The following AK3 variants were observed in gnomAD, a reference collection of about 807,000 sequenced individuals.
AK3 encodes adenylate kinase 3.
AK3 carries 27 observed loss-of-function variants against 23.7 expected under a neutral mutation model. The ratio of observed to expected loss-of-function variants is 1.14; its 90% CI spans 0.84 to 1.57. The LOEUF is 1.57. Among genes scored for constraint, AK3 ranks in the 40% most tolerant of loss-of-function variants. The pLI is 0.00. For missense variants in AK3, 406 were observed against 285.6 expected (o/e 1.42, Z -3.04); for synonymous variants, 159 against 116.0 (o/e 1.37, Z -2.38).
intron 2 of AK3, among the ~76,000 whole-genome samples, chr9:4,721,621 G>A (rs565980498): frequency 3.3e-4 from 50 of 152,062 alleles, no homozygotes; most frequent in African/African-American, 1.2e-3. Context: ...ATCACGCCCG[G>A]CTAATTTTTG....
chr9:4,712,272 A>T lies in AK3; in HGVS notation c.*704T>A, dbSNP rs1366939367. ...GCACTTATGTCAATTTTTGACACAA[A>T]TCATAACCCTCAGTACACAGGTATT... is the stretch of plus-strand genomic sequence containing the variant. On this transcript the variant is annotated 3_prime_UTR_variant, in exon 5 of 5. Transcript: ENST00000381809. 2 of 152,324 alleles carry T rather than the reference A, an allele frequency of 1.3e-5. No individual in the cohort carries two copies. Among genetic ancestry groups the T allele is most frequent in the South Asian group, 2.1e-4 (1 of 4,826 alleles). 9.4% of individuals were successfully genotyped at this position (152,324 alleles called of 1,614,324 possible). A position where few individuals can be genotyped will look rare whatever the true frequency, so the allele number is the denominator to read the frequency against.
intron 2 of AK3, among the ~76,000 whole-genome samples, chr9:4,721,406 TA>T (rs770712533): frequency 1.7e-3 from 196 of 117,106 alleles, no homozygotes; most frequent in Middle Eastern, 8.5e-3. Flanking sequence ...CTGTCTCCAT[TA>T]AAAAAAAAAA....
Position 4,711,310 on chromosome 9 carries a change from AATAT to A in AK3, c.*1662_*1665del, listed in dbSNP as rs1310945978. 1 of 152,694 alleles carries A rather than the reference AATAT, an allele frequency of 6.5e-6. No individual in the cohort carries two copies. Among genetic ancestry groups the A allele is most frequent in the African/African-American group, 2.4e-5 (1 of 41,474 alleles). The allele number at this position is 152,694 out of a possible 1,614,324, so 9.5% of individuals were successfully genotyped here. On this transcript the variant is annotated 3_prime_UTR_variant, in exon 5 of 5. Transcript: ENST00000381809. The stretch of plus-strand genomic sequence containing the variant: ...ATTTCATTTTATTCTGATAAAGACT[AATAT>A]ATGCTTGATAACCTAGTGATAATCC...
chr9:4,733,469 C>A (rs1320194826), intron 1 of AK3, among the ~76,000 whole-genome samples: 1 of 152,172 alleles, frequency 6.6e-6, no homozygotes, highest in East Asian at 1.9e-4. Flanking sequence ...ATGGGTAAAT[C>A]ATGTTCATTT....
Position 4,741,188 on chromosome 9 carries a change from T to A in AK3, c.-101A>T. 8.1e-7 allele frequency: 1 copy of A among 1,241,518 alleles called. No homozygotes were observed. Among genetic ancestry groups the A allele is most frequent in the Non-Finnish European group, 1.0e-6 (1 of 965,792 alleles). 76.9% of individuals were successfully genotyped at this position (1,241,518 alleles called of 1,614,324 possible). A position where few individuals can be genotyped will look rare whatever the true frequency, so the allele number is the denominator to read the frequency against. On this transcript the variant is annotated 5_prime_UTR_variant, in exon 1 of 5. Transcript: ENST00000381809. ...TGCGCCGGCCGGCTAGCAGCGCCAC[T>A]AGCAGGCGGCTACTGCGGTTCCCCG...
At chr9:4,722,664 G>C (rs916976792) in intron 1 of AK3, 39 bp from the exon 2 acceptor site, 1 of 1,613,410 alleles carries the variant, frequency 6.2e-7, no homozygotes, top group Non-Finnish European at 8.5e-7. Flanking sequence ...AAGTGCATTT[G>C]TTTTATCCCA....
chr9:4,719,291 A>C lies in AK3; in HGVS notation c.288T>G (p.Leu96=). The part of the protein sequence containing the change: ...SWLLDGFPRT[L]PQAEALDRAY... ...CTCTATCTAGGGCTTCTGCCTGTGG[A>C]AGTGTCCTTGGAAAACCTTTATAAA... The change falls in exon 3 of 5, where the codon CTT becomes CTG. Residue 96 remains leucine, a synonymous_variant. Transcript: ENST00000381809. The C allele has an allele frequency of 7.2e-7, 1 of 1,393,008 alleles. No homozygotes were observed. The allele number at this position is 1,393,008 out of a possible 1,614,324, so 86.3% of individuals were successfully genotyped here. A position where few individuals can be genotyped will look rare whatever the true frequency, so the allele number is the denominator to read the frequency against.
rs545855632 is a variant in AK3 at position 4,712,673 on chromosome 9, C to T, written c.*303G>A. ...CTTTATCAACCACTTATTAACTGAA[C>T]AAAAAGTTAGATTACTACCAAATGC... On this transcript the variant is annotated 3_prime_UTR_variant, in exon 5 of 5. Coordinates refer to ENST00000381809, the MANE Select transcript of AK3 (RefSeq NM_016282.4). 1 of 180,598 alleles carries T rather than the reference C, an allele frequency of 5.5e-6. No individual in the cohort carries two copies. The highest frequency in any genetic ancestry group is 6.0e-5 in the Admixed American group (1 of 16,552). The allele number at this position is 180,598 out of a possible 1,614,324, so 11.2% of individuals were successfully genotyped here. A position where few individuals can be genotyped will look rare whatever the true frequency, so the allele number is the denominator to read the frequency against.
At chr9:4,741,471 C>A (rs1386685213), upstream of AK3, among the ~76,000 whole-genome samples, 3 of 152,074 alleles carry the variant, frequency 2.0e-5, no homozygotes, top group Non-Finnish European at 4.4e-5. Context: ...CACCCACCCC[C>A]ACGCGCCCTC....
At chr9:4,715,419 G>A (rs1841700551) in intron 4 of AK3, among the ~76,000 whole-genome samples, 2 of 143,834 alleles carry the variant, frequency 1.4e-5, no homozygotes, top group East Asian at 2.1e-4. Flanking sequence ...TTAAGACAGG[G>A]TCTCACTCTG....
At chr9:4,718,739 C>T (rs987878719) in intron 3 of AK3, among the ~76,000 whole-genome samples, 4 of 151,612 alleles carry the variant, frequency 2.6e-5, no homozygotes, top group African/African-American at 7.3e-5. Flanking sequence ...CTACAGTTAT[C>T]AGTCACTTTA....
chr9:4,728,178 G>A (rs967502971), intron 1 of AK3, among the ~76,000 whole-genome samples: 5 of 152,086 alleles, frequency 3.3e-5, no homozygotes, highest in Admixed American at 3.3e-4. Context: ...GGGAAAATGG[G>A]GCCAATAGCC....
chr9:4,727,361 C>T (rs1202827437), intron 1 of AK3, among the ~76,000 whole-genome samples: 1 of 152,182 alleles, frequency 6.6e-6, no homozygotes, highest in South Asian at 2.1e-4. Context: ...AGTGTAGACA[C>T]CTTCATCAAT....
chr9:4,731,494 T>C (rs1842151671), intron 1 of AK3, among the ~76,000 whole-genome samples: 1 of 151,846 alleles, frequency 6.6e-6, no homozygotes, highest in African/African-American at 2.4e-5. Flanking sequence ...GTCTATATCA[T>C]GAACTTTCTA....
intron 1 of AK3, among the ~76,000 whole-genome samples, chr9:4,727,172 A>G (rs1300833715): frequency 3.3e-5 from 5 of 152,186 alleles, no homozygotes; most frequent in Admixed American, 2.0e-4. Flanking sequence ...GATTTTTGGA[A>G]TGGTAAATGA....
intron 1 of AK3, among the ~76,000 whole-genome samples, chr9:4,740,449 G>T (rs1842401339): frequency 6.6e-6 from 1 of 152,066 alleles, no homozygotes; most frequent in African/African-American, 2.4e-5. Flanking sequence ...TTGGGAATAT[G>T]GGGGAAAGGT....
intron 1 of AK3, among the ~76,000 whole-genome samples, chr9:4,728,745 C>T (rs938867088): frequency 6.6e-6 from 1 of 150,444 alleles, no homozygotes; most frequent in African/African-American, 2.5e-5. Context: ...CCTGCAATCC[C>T]AGCACTTTGG....
intron 2 of AK3, among the ~76,000 whole-genome samples, chr9:4,720,127 G>GC (rs1437535751): frequency 6.6e-6 from 1 of 152,060 alleles, no homozygotes; most frequent in African/African-American, 2.4e-5. Context: ...CTAAAGTCCA[G>GC]CTAAAGGAAA....
intron 2 of AK3, among the ~76,000 whole-genome samples, chr9:4,722,164 C>T (rs965788628): frequency 2.6e-5 from 4 of 152,180 alleles, no homozygotes; most frequent in South Asian, 4.1e-4. Context: ...CTCAAGGATT[C>T]GGCCATACTC....
Sources: allele counts gnomAD v4.1 joint callset (sites outside exome capture counted in the v4.1 genomes callset), GRCh38; gene constraint gnomAD v4.1.1; transcripts MANE v1.5; gene names NCBI Gene and HGNC (gene_info 2026-07-23, HGNC 2026-07-21).